Variants in SIGMAR1 observed in about 807,000 individuals in gnomAD.
The protein encoded by SIGMAR1 is SR31747 binding protein 1.
In SIGMAR1, 18 loss-of-function variants were observed where a neutral mutation model predicts 25.4. The ratio of observed to expected loss-of-function variants is 0.71; its 90% CI spans 0.49 to 1.05. SIGMAR1 has a LOEUF of 1.05. Among genes scored for constraint, SIGMAR1 ranks in the 50% least tolerant of loss-of-function variants. SIGMAR1 has a pLI of 0.00. For synonymous variants in SIGMAR1, 125 were observed against 131.6 expected (o/e 0.95, Z 0.34); for missense variants, 249 against 301.6 (o/e 0.83, Z 1.29).
intron 3 of SIGMAR1, chr9:34,636,713 C>T: frequency 1.9e-6 from 1 of 536,884 alleles, no homozygotes; most frequent in South Asian, 2.0e-5. Context: ...CCCATTGTCT[C>T]CCCAACAGTT....
chr9:34,636,362 G>A lies in SIGMAR1; in HGVS notation c.446-504C>T, dbSNP rs768593486. The stretch of plus-strand genomic sequence containing the variant: ...AAAAGGCAGGGGAGCGGCCGGGCGC[G>A]GTGGCTCACACCTGTAATCCCAGAA... On this transcript the variant is annotated intron_variant, in intron 3 of 3. Coordinates refer to ENST00000277010, the MANE Select transcript of SIGMAR1 (RefSeq NM_005866.4). Among the ~76,000 whole-genome samples, 51 of 151,312 alleles carry A rather than the reference G, an allele frequency of 3.4e-4. 1 individual carries two copies. Among genetic ancestry groups the A allele is most frequent in the Non-Finnish European group, 6.3e-4 (43 of 67,904 alleles).
Position 34,637,086 on chromosome 9 carries a change from C to A in SIGMAR1, c.356G>T (p.Arg119Leu). 6.2e-7 allele frequency: 1 copy of A among 1,614,000 alleles called. No individual in the cohort carries two copies. Among genetic ancestry groups the A allele is most frequent in the Non-Finnish European group, 8.5e-7 (1 of 1,180,030 alleles). ...TALGSRGHSG[R>L]YWAEISDTII... The stretch of plus-strand genomic sequence containing the variant: ...GGTATCCGAGATCTCAGCCCAGTAG[C>A]GCCCTGAGTGACAATCGCACATGAC... The change falls in exon 3 of 4, where the codon CGC (arginine) becomes CTC (leucine). Residue 119 changes from arginine to leucine, a missense_variant. Coordinates refer to ENST00000277010, the MANE Select transcript of SIGMAR1 (RefSeq NM_005866.4).
intron 2 of SIGMAR1, 64 bp downstream of exon 2, chr9:34,637,156 G>C (rs943699392): frequency 1.3e-5 from 20 of 1,597,384 alleles, no homozygotes; most frequent in Non-Finnish European, 1.6e-5. Context: ...CCAAACATCA[G>C]AAAGGAGGGC....
rs764002616 is a variant in SIGMAR1, at chr9:34,637,626, C to T, written c.72G>A (p.Gln24=). ...LLLAVAAVLT[Q]VVWLWLGTQS... is the part of the protein sequence containing the mutation. ...GCGTACCCAGCCAGAGCCAGACGAC[C>T]TGGGTCAGCACCGCTGCGACAGCCA... Residue 24 remains glutamine, a synonymous_variant, in exon 1 of 4, where the codon CAG becomes CAA. Transcript: ENST00000277010. 2 of 1,543,570 alleles carry T rather than the reference C, an allele frequency of 1.3e-6. No homozygotes were observed. Among genetic ancestry groups the T allele is most frequent in the Admixed American group, 1.9e-5 (1 of 51,752 alleles).
chr9:34,636,096 C>G (rs1319389137), intron 3 of SIGMAR1, among the ~76,000 whole-genome samples: 1 of 152,042 alleles, frequency 6.6e-6, no homozygotes, highest in Non-Finnish European at 1.5e-5. Flanking sequence ...TGGCCATGGA[C>G]CCACTGTATG....
At position 34,635,807 on chromosome 9, in the gene SIGMAR1, G is replaced by A; in HGVS notation, c.497C>T (p.Pro166Leu). 6.2e-7 allele frequency: 1 copy of A among 1,614,196 alleles called. No homozygotes were observed. The highest frequency in any genetic ancestry group is 8.5e-7 in the Non-Finnish European group (1 of 1,180,028). ...PGEATAVEWG[P>L]NTWMVEYGRG... ...GCCGTACTCCACCATCCATGTGTTT[G>A]GCCCCCACTCCACAGCTGTTGCCTC... Residue 166 changes from proline (P) to leucine (L), a missense_variant, in exon 4 of 4, where the codon CCA becomes CTA. Physicochemically the swap from Pro to Leu is moderately conservative, Grantham distance 98. Transcript: ENST00000277010. The surrounding 1 kb of genome is among the most constrained non-coding windows in gnomAD (Gnocchi z 4.5).
In SIGMAR1 at chr9:34,637,740, G is replaced by A. The variant is rs1261705607; in HGVS notation, c.-43C>T. 6.5e-6 allele frequency: 9 copies of A among 1,386,720 alleles called. No individual in the cohort carries two copies. The highest frequency in any genetic ancestry group is 7.6e-6 in the Non-Finnish European group (8 of 1,057,272). The allele number at this position is 1,386,720 out of a possible 1,614,324, so 85.9% of individuals were successfully genotyped here. A position where few individuals can be genotyped will look rare whatever the true frequency, so the allele number is the denominator to read the frequency against. On this transcript the variant is annotated 5_prime_UTR_variant, in exon 1 of 4. Coordinates refer to ENST00000277010, the MANE Select transcript of SIGMAR1 (RefSeq NM_005866.4). Reference sequence around the variant, plus strand: ...CACGGCGCAGCTCAGGAGGGAGCCGGGGCCTGAGGCTTTGCGCTCACGGCC... The same window carrying A: ...CACGGCGCAGCTCAGGAGGGAGCCGAGGCCTGAGGCTTTGCGCTCACGGCC...
chr9:34,636,316 A>AT lies in SIGMAR1; in HGVS notation c.446-459dup, dbSNP rs1356229114. ...TATTTCTTAAGTAAATTGTTTCACT[A>AT]TTAAAAAAAAAAAAAAAAAAAAAAG... is the stretch of plus-strand genomic sequence containing the variant. On this transcript the variant is annotated intron_variant, in intron 3 of 3. Coordinates refer to ENST00000277010, the MANE Select transcript of SIGMAR1 (RefSeq NM_005866.4). 2.3e-4 allele frequency among the ~76,000 whole-genome samples: 25 copies of AT among 106,692 alleles called. No individual in the cohort carries two copies. The Admixed American group carries it at 2.5e-3, about 10-fold the overall frequency. The allele number at this position is 106,692 out of a possible 152,430, so 70.0% of individuals were successfully genotyped here. A position where few individuals can be genotyped will look rare whatever the true frequency, so the allele number is the denominator to read the frequency against.
Position 34,637,199 on chromosome 9 carries a change from TG to T in SIGMAR1, c.352+20del. 6.5e-7 allele frequency: 1 copy of T among 1,543,766 alleles called. No individual in the cohort carries two copies. The highest frequency in any genetic ancestry group is 1.4e-5 in the African/African-American group (1 of 73,332). ...CCTTTACAACCCCAGCCTCCCAGTCTGGCCCGCCGCTAGCACTGACCCGAGT... is the reference window on the plus strand; with the variant it reads ...CCTTTACAACCCCAGCCTCCCAGTCTGCCCGCCGCTAGCACTGACCCGAGT... On this transcript the variant is annotated intron_variant, in intron 2 of 3. Coordinates refer to ENST00000277010, the MANE Select transcript of SIGMAR1 (RefSeq NM_005866.4).
chr9:34,636,931 T>G lies in SIGMAR1; in HGVS notation c.445+66A>C. The G allele has an allele frequency of 3.1e-6, 4 of 1,306,342 alleles. No homozygotes were observed. The South Asian group carries it at 4.9e-5, about 16-fold the overall frequency. The allele number at this position is 1,306,342 out of a possible 1,614,324, so 80.9% of individuals were successfully genotyped here. A position where few individuals can be genotyped will look rare whatever the true frequency, so the allele number is the denominator to read the frequency against. On this transcript the variant is annotated intron_variant, in intron 3 of 3. Transcript: ENST00000277010. ...AACACACTCCTTTTCCATGCCATGC[T>G]CCCCGCAATTGTGGGCACCCCCCGC...
At chr9:34,636,768 T>A (rs913175626) in intron 3 of SIGMAR1, 1 of 597,496 alleles carries the variant, frequency 1.7e-6, no homozygotes, top group Admixed American at 2.8e-5. Context: ...CAGATAAAAA[T>A]CAGACATGTT....
In SIGMAR1 at chr9:34,635,697, G is replaced by A. The variant is rs1364767223; in HGVS notation, c.607C>T (p.Leu203Phe). 16 of 1,614,258 alleles carry A rather than the reference G, an allele frequency of 9.9e-6. No homozygotes were observed. The highest frequency in any genetic ancestry group is 1.4e-5 in the Non-Finnish European group (16 of 1,180,050). Residue 203 changes from leucine (L) to phenylalanine (F), a missense_variant, in exon 4 of 4, where the codon CTT becomes TTT. Transcript: ENST00000277010. The surrounding 1 kb of genome is among the most constrained non-coding windows in gnomAD (Gnocchi z 4.5). ...TQDFLTLFYT[L>F]RSYARGLRLE... is the part of the protein sequence containing the mutation. ...CGGAGGCCCCGAGCATAGGAGCGAA[G>A]AGTATAGAAGAGGGTGAGGAAGTCC...
chr9:34,635,880 A>G lies in SIGMAR1; in HGVS notation c.446-22T>C, dbSNP rs1296627592. The G allele has an allele frequency of 2.5e-6, 4 of 1,613,462 alleles. No homozygotes were observed. Among genetic ancestry groups the G allele is most frequent in the East Asian group, 2.2e-5 (1 of 44,876 alleles). ...TCCCCTGGGGGACAGGGAGCACCCA[A>G]GTGAAAAGCCAGCTCTGCCCTGCCC... On this transcript the variant is annotated intron_variant, in intron 3 of 3. Transcript: ENST00000277010. This position sits in a 1 kb window ranked among gnomAD's most constrained non-coding sequence, Gnocchi z 4.5.
chr9:34,637,185 C>A, intron 2 of SIGMAR1, 35 bp downstream of exon 2: 1 of 1,551,498 alleles, frequency 6.4e-7, no homozygotes, highest in South Asian at 1.2e-5. Context: ...CTTTACAACC[C>A]CAGCCTCCCA....
intron 3 of SIGMAR1, 151 bp from the exon 4 acceptor site, chr9:34,636,009 T>C (rs991200726): frequency 2.7e-6 from 3 of 1,103,574 alleles, no homozygotes; most frequent in African/African-American, 1.6e-5. Context: ...CTGGCCCAGA[T>C]GGCCACTCCT....
chr9:34,635,687 T>C lies in SIGMAR1; in HGVS notation c.617A>G (p.Tyr206Cys), dbSNP rs1206939289. ...GAGCTCAAGCCGGAGGCCCCGAGCA[T>C]AGGAGCGAAGAGTATAGAAGAGGGT... ...FLTLFYTLRSYARGLRLELTT... is the reference protein window; with the variant it reads ...FLTLFYTLRSCARGLRLELTT... The change falls in exon 4 of 4, where the codon TAT (tyrosine) becomes TGT (cysteine). Residue 206 changes from tyrosine to cysteine, a missense_variant. By Grantham distance (194) the Tyr-to-Cys change is radical. Transcript: ENST00000277010. This position sits in a 1 kb window ranked among gnomAD's most constrained non-coding sequence, Gnocchi z 4.5. 1.2e-6 allele frequency: 2 copies of C among 1,614,064 alleles called. No homozygotes were observed. The highest frequency in any genetic ancestry group is 2.2e-5 in the East Asian group (1 of 44,878).
In SIGMAR1 at chr9:34,635,356, C is replaced by A. The variant is rs1820803507; in HGVS notation, c.*276G>T. ...AAGCTGTGATGTGTGTGTCTGAACA[C>A]AACTGGCTCCCTTGGTATACCGGGG... On this transcript the variant is annotated 3_prime_UTR_variant, in exon 4 of 4. Coordinates refer to ENST00000277010, the MANE Select transcript of SIGMAR1 (RefSeq NM_005866.4). This position sits in a 1 kb window ranked among gnomAD's most constrained non-coding sequence, Gnocchi z 4.5. The A allele has an allele frequency of 1.0e-5, 5 of 490,386 alleles. No individual in the cohort carries two copies. The highest frequency in any genetic ancestry group is 3.9e-5 in the African/African-American group (2 of 51,266). 30.4% of individuals were successfully genotyped at this position (490,386 alleles called of 1,614,324 possible). A position where few individuals can be genotyped will look rare whatever the true frequency, so the allele number is the denominator to read the frequency against.
intron 3 of SIGMAR1, 149 bp from the exon 4 acceptor site, chr9:34,636,007 GA>G: frequency 8.9e-7 from 1 of 1,122,790 alleles, no homozygotes; most frequent in Non-Finnish European, 1.3e-6. Context: ...GGCTGGCCCA[GA>G]TGGCCACTCC....
chr9:34,637,331 A>C lies in SIGMAR1; in HGVS notation c.241T>G (p.Trp81Gly). The C allele has an allele frequency of 6.2e-7, 1 of 1,604,170 alleles. No homozygotes were observed. Among genetic ancestry groups the C allele is most frequent in the Non-Finnish European group, 8.5e-7 (1 of 1,178,488 alleles). ...GHVLPDEELQ[W>G]VFVNAGGWMG... ...CAGCCACCCGCATTCACGAACACCC[A>C]CTGCAGCTCCTCGTCGGGCAGCACG... The change falls in exon 2 of 4, where the codon TGG becomes GGG. Residue 81 changes from tryptophan (W) to glycine (G), a missense_variant. Transcript: ENST00000277010.
Sources: allele counts gnomAD v4.1 joint callset (sites outside exome capture counted in the v4.1 genomes callset), GRCh38; gene constraint gnomAD v4.1.1; non-coding constraint Gnocchi (gnomAD v3.1); transcripts MANE v1.5; gene names NCBI Gene and HGNC (gene_info 2026-07-23, HGNC 2026-07-21).